The following CUX2 variants were observed in gnomAD, a reference collection of about 807,000 sequenced individuals.
The protein encoded by CUX2 is cut like homeobox 2.
In CUX2, 40 loss-of-function variants were observed where a neutral mutation model predicts 144.8. That is an observed-to-expected ratio of 0.28 (90% CI 0.21 to 0.36). The LOEUF is 0.36. Ranked by LOEUF, CUX2 falls within the 10% of genes least tolerant of loss-of-function variation. The pLI is 1.00. For synonymous variants in CUX2, 827 were observed against 875.6 expected (o/e 0.94, Z 0.98); for missense variants, 1,615 against 1,994.0 (o/e 0.81, Z 3.62).
chr12:111,121,337 T>C (rs904928119), intron 1 of CUX2, among the ~76,000 whole-genome samples: 63 of 151,106 alleles, frequency 4.2e-4, no homozygotes, highest in African/African-American at 1.5e-3. Context: ...ATAAATGTGT[T>C]TTTTCTTTCT....
At chr12:111,225,985 C>T (rs920713557) in intron 3 of CUX2, among the ~76,000 whole-genome samples, 6 of 152,198 alleles carry the variant, frequency 3.9e-5, no homozygotes, top group East Asian at 1.9e-4. Context: ...ACCCTTTTTC[C>T]GCTGCCGGAG....
intron 3 of CUX2, among the ~76,000 whole-genome samples, chr12:111,248,638 G>A (rs529932645): frequency 2.0e-5 from 3 of 152,266 alleles, no homozygotes; most frequent in African/African-American, 7.2e-5. Context: ...CAGGATAAAG[G>A]GGGTGTCGGT....
At chr12:111,139,040 C>T (rs1462621089) in intron 1 of CUX2, among the ~76,000 whole-genome samples, 3 of 151,618 alleles carry the variant, frequency 2.0e-5, no homozygotes, top group Non-Finnish European at 4.4e-5. Context: ...CCAGAGAACC[C>T]GACCCAAGAC....
rs1425972635 is a variant in CUX2, at chr12:111,349,389, T to C, written c.*1064T>C. On this transcript the variant is annotated 3_prime_UTR_variant, in exon 22 of 22. Coordinates refer to ENST00000261726, the MANE Select transcript of CUX2 (RefSeq NM_015267.4). ...TTGGTGTTTTCCGAAAGTGACAGTGTTGGTCATCCCATGACCACTGAAGCT... is the reference window on the plus strand; with the variant it reads ...TTGGTGTTTTCCGAAAGTGACAGTGCTGGTCATCCCATGACCACTGAAGCT... 6.6e-6 allele frequency: 1 copy of C among 152,186 alleles called. No individual in the cohort carries two copies. The highest frequency in any genetic ancestry group is 6.5e-5 in the Admixed American group (1 of 15,270). The allele number at this position is 152,186 out of a possible 1,614,324, so 9.4% of individuals were successfully genotyped here.
At chr12:111,134,620 C>CTCTCTGTGTGTGTGTGTGTGTGTGTG (rs1026548098) in intron 1 of CUX2, among the ~76,000 whole-genome samples, 3 of 142,130 alleles carry the variant, frequency 2.1e-5, no homozygotes, top group African/African-American at 5.6e-5. Context: ...CTCTCTCTCT[C>CTCTCTGTGTGTGTGTGTGTGTGTGTG]TGTGTGTGTG....
At chr12:111,238,560 G>A (rs1454401180) in intron 3 of CUX2, among the ~76,000 whole-genome samples, 1 of 152,228 alleles carries the variant, frequency 6.6e-6, no homozygotes, top group African/African-American at 2.4e-5. Flanking sequence ...CTGGTGGCAT[G>A]TGGCAGAGAC....
rs142641895 is a variant in CUX2 at position 111,348,398 on chromosome 12, TG to T, written c.*77del. ...CTCGCACTTACTCTCCTCAACAGGA[TG>T]GGGTAAGGGAGGGAGGAACTCAACC... is the stretch of plus-strand genomic sequence containing the variant. On this transcript the variant is annotated 3_prime_UTR_variant, in exon 22 of 22. Coordinates refer to ENST00000261726, the MANE Select transcript of CUX2 (RefSeq NM_015267.4). 0.016 allele frequency: 22,182 copies of T among 1,392,608 alleles called. 232 individuals are homozygous for T. The highest frequency in any genetic ancestry group is 0.02 in the Non-Finnish European group (20,051 of 1,009,436). 86.3% of individuals were successfully genotyped at this position (1,392,608 alleles called of 1,614,324 possible).
chr12:111,183,873 A>G (rs1879347359), intron 1 of CUX2, among the ~76,000 whole-genome samples: 1 of 152,198 alleles, frequency 6.6e-6, no homozygotes, highest in Non-Finnish European at 1.5e-5. Flanking sequence ...TTCCAGGTCA[A>G]GGCAAAGAGG....
At chr12:111,087,366 CAAAAAAAAAAAAAAAA>C (rs1159500448) in intron 1 of CUX2, among the ~76,000 whole-genome samples, 7 of 45,052 alleles carry the variant, frequency 1.6e-4, no homozygotes, top group South Asian at 1.6e-3. Context: ...GACTCCATCT[CAAAAAAAAAAAAAAAA>C]AAAAAAAAAA....
chr12:111,339,344 ACT>A (rs1888486932), intron 20 of CUX2, among the ~76,000 whole-genome samples: 2 of 151,804 alleles, frequency 1.3e-5, no homozygotes, highest in African/African-American at 4.8e-5. Flanking sequence ...ATTTCCCAAA[ACT>A]CTGTGTACCT....
intron 3 of CUX2, among the ~76,000 whole-genome samples, chr12:111,236,024 A>G (rs1005730130): frequency 6.6e-6 from 1 of 152,206 alleles, no homozygotes; most frequent in East Asian, 1.9e-4. Context: ...GCCTCTCGTC[A>G]GCCATATGAC....
At position 111,312,631 on chromosome 12, in the gene CUX2, C is replaced by T. The variant is rs1298840473; in HGVS notation, c.2002+430C>T. Among the ~76,000 whole-genome samples the T allele has an allele frequency of 3.3e-5, 5 of 149,336 alleles. No individual in the cohort carries two copies. Among genetic ancestry groups the T allele is most frequent in the African/African-American group, 1.2e-4 (5 of 40,378 alleles). ...AGGAGAATTGCTTGAACCCGGGAGG[C>T]GGAGGTTGCAGTGAGCCGAGATCAC... On this transcript the variant is annotated intron_variant, in intron 16 of 21. Transcript: ENST00000261726. This position sits in a 1 kb window ranked among gnomAD's most constrained non-coding sequence, Gnocchi z 4.3.
At chr12:111,227,591 T>C (rs988838294) in intron 3 of CUX2, among the ~76,000 whole-genome samples, 15 of 152,146 alleles carry the variant, frequency 9.9e-5, no homozygotes, top group African/African-American at 3.6e-4. Flanking sequence ...GCAGTCCTCA[T>C]AGCTTCTGGG....
intron 3 of CUX2, among the ~76,000 whole-genome samples, chr12:111,249,400 CTTTTT>C (rs778334868): frequency 3.7e-5 from 3 of 80,114 alleles, no homozygotes; most frequent in African/African-American, 1.4e-4. Context: ...GTGCTATTGC[CTTTTT>C]TTTTTTTTTT....
intron 1 of CUX2, among the ~76,000 whole-genome samples, chr12:111,165,130 A>G (rs1878057129): frequency 6.6e-6 from 1 of 152,244 alleles, no homozygotes; most frequent in African/African-American, 2.4e-5. Flanking sequence ...ATGCTGTCAG[A>G]AGGGCCTCTG....
At position 111,308,530 on chromosome 12, in the gene CUX2, G is replaced by A. The variant is rs1363417261; in HGVS notation, c.1258+4G>A. On this transcript the variant is annotated splice_donor_region_variant and intron_variant, in intron 14 of 21. Transcript: ENST00000261726. ...CCCAGCCTCCTGGCCAGCCCTGGTAGGGGAGGAGGATACTCTGGGGCTGAG... is the reference window on the plus strand; with the variant it reads ...CCCAGCCTCCTGGCCAGCCCTGGTAAGGGAGGAGGATACTCTGGGGCTGAG... 6.2e-7 allele frequency: 1 copy of A among 1,605,604 alleles called. No individual in the cohort carries two copies. Among genetic ancestry groups the A allele is most frequent in the African/African-American group, 1.3e-5 (1 of 74,756 alleles).
chr12:111,055,676 C>A (rs1870485657), intron 1 of CUX2, among the ~76,000 whole-genome samples: 1 of 152,188 alleles, frequency 6.6e-6, no homozygotes, highest in Non-Finnish European at 1.5e-5. Flanking sequence ...AGCCCCCCTT[C>A]CCCCAGCCCC....
At chr12:111,155,393 G>A (rs1171039374) in intron 1 of CUX2, among the ~76,000 whole-genome samples, 1 of 152,214 alleles carries the variant, frequency 6.6e-6, no homozygotes, top group Non-Finnish European at 1.5e-5. Context: ...CCTGGGCCAT[G>A]ATTCTTAGTG....
At chr12:111,250,337 C>A (rs1883501458) in intron 3 of CUX2, among the ~76,000 whole-genome samples, 1 of 152,114 alleles carries the variant, frequency 6.6e-6, no homozygotes, top group Admixed American at 6.6e-5. Flanking sequence ...CAGCCCCCCG[C>A]CCCCCAATTC....
Sources: allele counts gnomAD v4.1 joint callset (sites outside exome capture counted in the v4.1 genomes callset), GRCh38; gene constraint gnomAD v4.1.1; non-coding constraint Gnocchi (gnomAD v3.1); transcripts MANE v1.5; gene names NCBI Gene and HGNC (gene_info 2026-07-23, HGNC 2026-07-21).